PIEZO2: variants seen among roughly 807,000 people sequenced by gnomAD.
The protein encoded by PIEZO2 is piezo-type mechanosensitive ion channel component 2.
In PIEZO2, 172 loss-of-function variants were observed where a neutral mutation model predicts 337.3. That is an observed-to-expected ratio of 0.51 (90% CI 0.45 to 0.58). The LOEUF (loss-of-function observed/expected upper bound fraction) is 0.58. Ranked by LOEUF, PIEZO2 falls within the 20% of genes least tolerant of loss-of-function variation. PIEZO2 has a pLI of 0.00. For synonymous variants in PIEZO2, 1,251 were observed against 1,228.5 expected (o/e 1.02, Z -0.38); for missense variants, 3,028 against 3,391.3 (o/e 0.89, Z 2.66).
chr18:11,108,507 A>G (rs942754610), intron 1 of PIEZO2, among the ~76,000 whole-genome samples: 52 of 151,340 alleles, frequency 3.4e-4, no homozygotes, highest in African/African-American at 1.2e-3. Context: ...CCAGCTACTC[A>G]GGAGGCTGAG....
chr18:10,953,867 C>T lies in PIEZO2; in HGVS notation c.286+25668G>A, dbSNP rs1298733585. 1.3e-5 allele frequency among the ~76,000 whole-genome samples: 2 copies of T among 152,074 alleles called. No individual in the cohort carries two copies. The highest frequency in any genetic ancestry group is 2.9e-5 in the Non-Finnish European group (2 of 68,032). On this transcript the variant is annotated intron_variant, in intron 3 of 55. Transcript: ENST00000674853. This position sits in a 1 kb window ranked among gnomAD's most constrained non-coding sequence, Gnocchi z 5.2. ...AGGCAGGCTTTGAATATCAACAGCA[C>T]AGGGTGCCCCTGGTTACTATGTGAG... is the stretch of plus-strand genomic sequence containing the variant.
chr18:10,726,667 T>G lies in PIEZO2; in HGVS notation c.5029+4740A>C. On this transcript the variant is annotated intron_variant, in intron 36 of 55. Transcript: ENST00000674853. This position sits in a 1 kb window ranked among gnomAD's most constrained non-coding sequence, Gnocchi z 5.9. ...CGCCAAGCGCGGCCAGACAGACACC[T>G]CGCTGCCAAGTTAATTCAGCAAGGA... The G allele has an allele frequency of 7.0e-7, 1 of 1,428,164 alleles. No individual in the cohort carries two copies. The highest frequency in any genetic ancestry group is 9.6e-7 in the Non-Finnish European group (1 of 1,042,334). 88.5% of individuals were successfully genotyped at this position (1,428,164 alleles called of 1,614,324 possible).
chr18:10,796,348 C>A (rs1166275974), intron 12 of PIEZO2, among the ~76,000 whole-genome samples: 1 of 142,718 alleles, frequency 7.0e-6, no homozygotes, highest in Non-Finnish European at 1.5e-5. Context: ...CCAGCCTGGG[C>A]AACAGAGCAA....
At chr18:10,839,268 ACT>A (rs962021035) in intron 7 of PIEZO2, among the ~76,000 whole-genome samples, 3 of 152,128 alleles carry the variant, frequency 2.0e-5, no homozygotes, top group Non-Finnish European at 4.4e-5. Context: ...GTACCAGAAA[ACT>A]CTAAAGAAAA....
At chr18:10,880,227 T>A (rs1370038936) in intron 4 of PIEZO2, among the ~76,000 whole-genome samples, 4 of 152,212 alleles carry the variant, frequency 2.6e-5, no homozygotes, top group Non-Finnish European at 5.9e-5. Flanking sequence ...GAGGCACTGA[T>A]GGCCATGCCT....
chr18:10,687,434 G>T (rs565620282), intron 49 of PIEZO2, among the ~76,000 whole-genome samples: 2 of 152,060 alleles, frequency 1.3e-5, no homozygotes. Context: ...GGCATTGTAT[G>T]TTTGGGTCAC....
In PIEZO2 at chr18:10,788,977, T is replaced by C. The variant is rs188937171; in HGVS notation, c.2169+102A>G. 4.0e-4 allele frequency: 506 copies of C among 1,265,356 alleles called. 3 individuals are homozygous for C. In the East Asian group the frequency reaches 9.6e-3, roughly 24 times the overall value. 78.4% of individuals were successfully genotyped at this position (1,265,356 alleles called of 1,614,324 possible). On this transcript the variant is annotated intron_variant, in intron 15 of 55. Coordinates refer to ENST00000674853, the MANE Select transcript of PIEZO2 (RefSeq NM_001378183.1). ...TGTTTGAATCTTGCCAATCACTTTATCCATGTTCATGAGATTCTAGTGATT... is the reference window on the plus strand; with the variant it reads ...TGTTTGAATCTTGCCAATCACTTTACCCATGTTCATGAGATTCTAGTGATT...
intron 3 of PIEZO2, among the ~76,000 whole-genome samples, chr18:10,972,186 A>AT (rs1175278735): frequency 6.6e-6 from 1 of 151,804 alleles, no homozygotes; most frequent in African/African-American, 2.4e-5. Flanking sequence ...AAAAAAAAAA[A>AT]AAAAAGAGAG....
intron 2 of PIEZO2, among the ~76,000 whole-genome samples, chr18:11,039,057 G>T (rs1239910513): frequency 1.3e-5 from 2 of 152,196 alleles, no homozygotes; most frequent in Non-Finnish European, 2.9e-5. Context: ...AGCTCAGGCA[G>T]TCTGTAAGAT....
chr18:10,791,522 GT>G (rs2039410310), intron 13 of PIEZO2, 198 bp from the exon 14 acceptor site: 1 of 467,526 alleles, frequency 2.1e-6, no homozygotes, highest in East Asian at 5.7e-5. Context: ...ATGCTCCCAT[GT>G]TTGTGTTGGG....
intron 4 of PIEZO2, chr18:10,908,467 T>A (rs910775269): frequency 6.6e-6 from 1 of 152,206 alleles, no homozygotes; most frequent in Admixed American, 6.5e-5. Flanking sequence ...TAAGATATAA[T>A]TGGAATTTCC....
At chr18:10,796,739 A>T (rs1334751845) in intron 12 of PIEZO2, among the ~76,000 whole-genome samples, 1 of 152,228 alleles carries the variant, frequency 6.6e-6, no homozygotes, top group East Asian at 1.9e-4. Context: ...AGATAGCAGC[A>T]CTTAGAGCCA....
chr18:10,800,066 G>T (rs2039755047), intron 11 of PIEZO2, among the ~76,000 whole-genome samples: 1 of 151,868 alleles, frequency 6.6e-6, no homozygotes, highest in African/African-American at 2.4e-5. Flanking sequence ...ATGTATAGAT[G>T]CTATACCTAA....
In PIEZO2 at chr18:10,943,762, GACATGGTTTAGT is replaced by G. The variant is rs1906092212; in HGVS notation, c.287-32546_287-32535del. Among the ~76,000 whole-genome samples the G allele has an allele frequency of 6.6e-6, 1 of 152,208 alleles. No individual in the cohort carries two copies. Among genetic ancestry groups the G allele is most frequent in the South Asian group, 2.1e-4 (1 of 4,830 alleles). On this transcript the variant is annotated intron_variant, in intron 3 of 55. Transcript: ENST00000674853. This position sits in a 1 kb window ranked among gnomAD's most constrained non-coding sequence, Gnocchi z 4.5. ...ATTTGGGAGGGGCCAGGGGCAGAAT[GACATGGTTTAGT>G]TCTGTGTCTCCATACAGAGATATGT...
At position 11,016,602 on chromosome 18, in the gene PIEZO2, A is replaced by T. The variant is rs991034232; in HGVS notation, c.161-36942T>A. Among the ~76,000 whole-genome samples the T allele has an allele frequency of 6.6e-6, 1 of 152,230 alleles. No individual in the cohort carries two copies. The highest frequency in any genetic ancestry group is 1.5e-5 in the Non-Finnish European group (1 of 68,040). ...TTTAAACAAGTGATAACTCAAGGTA[A>T]AAAGAAAACAAATGCTGGGATTCTG... On this transcript the variant is annotated intron_variant, in intron 2 of 55. Coordinates refer to ENST00000674853, the MANE Select transcript of PIEZO2 (RefSeq NM_001378183.1). The surrounding 1 kb of genome is among the most constrained non-coding windows in gnomAD (Gnocchi z 5.6).
In PIEZO2 at chr18:10,888,113, T is replaced by C. The variant is rs985707199; in HGVS notation, c.330-16698A>G. Among the ~76,000 whole-genome samples the C allele has an allele frequency of 3.9e-5, 6 of 152,232 alleles. No homozygotes were observed. The highest frequency in any genetic ancestry group is 7.2e-5 in the African/African-American group (3 of 41,462). On this transcript the variant is annotated intron_variant, in intron 4 of 55. Coordinates refer to ENST00000674853, the MANE Select transcript of PIEZO2 (RefSeq NM_001378183.1). The surrounding 1 kb of genome is among the most constrained non-coding windows in gnomAD (Gnocchi z 4.1). ...CATGATGGCTGCCTAATGGTGGTCA[T>C]TGATGCCCCTAAATATGAATTGGTA...
chr18:11,014,346 G>A (rs12955745), intron 2 of PIEZO2, among the ~76,000 whole-genome samples: 2,385 of 143,720 alleles, frequency 0.017, 48 homozygotes, highest in African/African-American at 0.045. Flanking sequence ...CCTCAGTGGT[G>A]GGCACGTCAC....
At position 11,148,579 on chromosome 18, in the gene PIEZO2, C is replaced by G; in HGVS notation, c.10G>C (p.Glu4Gln). 6.5e-7 allele frequency: 1 copy of G among 1,537,162 alleles called. No homozygotes were observed. The highest frequency in any genetic ancestry group is 8.7e-7 in the Non-Finnish European group (1 of 1,146,898). ...CTGAAGATGAGCCCGCACACCACTT[C>G]TGAGGCCATCGCGTCGGTCCGGCGA... MAS[E>Q]VVCGLIFRLL... The change falls in exon 1 of 56, where the codon GAA becomes CAA. Residue 4 changes from glutamate to glutamine, a missense_variant. Glu to Gln is a conservative substitution (Grantham distance 29). Coordinates refer to ENST00000674853, the MANE Select transcript of PIEZO2 (RefSeq NM_001378183.1). This position sits in a 1 kb window ranked among gnomAD's most constrained non-coding sequence, Gnocchi z 5.2.
chr18:11,014,521 C>T (rs540220532), intron 2 of PIEZO2, among the ~76,000 whole-genome samples: 175 of 144,828 alleles, frequency 1.2e-3, no homozygotes, highest in African/African-American at 4.4e-3. Context: ...GGCATTTCAC[C>T]CTGTGTGGGA....
Sources: gnomAD v4.1 joint callset for allele counts (sites outside exome capture counted in the v4.1 genomes callset) on GRCh38, gnomAD v4.1.1 for gene constraint, Gnocchi (gnomAD v3.1) non-coding constraint, MANE v1.5 for transcripts, NCBI Gene and HGNC (gene_info 2026-07-23, HGNC 2026-07-21) for gene names.